The following FLG2 variants were observed in gnomAD, a reference collection of about 807,000 sequenced individuals.
The protein encoded by FLG2 is filaggrin-2.
A neutral mutation model predicts 3.9 loss-of-function variants in FLG2; 7 were observed. The observed-to-expected ratio is 1.79, with a 90% CI of 1.02 to 3.36. The LOEUF is 3.36. FLG2 is among the 30% of genes most tolerant of loss of function. The pLI is 0.00. For missense variants in FLG2, 2,700 were observed against 2,809.4 expected (o/e 0.96, Z 0.88); for synonymous variants, 1,031 against 1,056.1 (o/e 0.98, Z 0.46).
At position 152,350,266 on chromosome 1, in the gene FLG2, G is replaced by A. The variant is rs1311799866; in HGVS notation, c.*344C>T. 1 of 273,734 alleles carries A rather than the reference G, an allele frequency of 3.7e-6. No individual in the cohort carries two copies. Among genetic ancestry groups the A allele is most frequent in the Admixed American group, 4.9e-5 (1 of 20,348 alleles). 17.0% of individuals were successfully genotyped at this position (273,734 alleles called of 1,614,324 possible). On this transcript the variant is annotated 3_prime_UTR_variant, in exon 3 of 3. Transcript: ENST00000388718. ...ATCTTCTGAATGCTTTTTGTTATCA[G>A]TATGGGATTCCTGTTTTCTGATTGA...
rs772810429 is a variant in FLG2 at position 152,353,603 on chromosome 1, T to C, written c.4183A>G (p.Thr1395Ala). Residue 1395 changes from threonine (T) to alanine (A), a missense_variant, in exon 3 of 3, where the codon ACA becomes GCA. Transcript: ENST00000388718. ...TGGCCATGTCCAGTGGCCTCTCCTG[T>C]CTGTCCATAAGTAGTTTCATGTCTC... The part of the protein sequence containing the change: ...HERHETTYGQ[T>A]GEATGHGHSG... 7.4e-6 allele frequency: 12 copies of C among 1,613,946 alleles called. No homozygotes were observed. Among genetic ancestry groups the C allele is most frequent in the South Asian group, 2.2e-5 (2 of 91,080 alleles).
In FLG2 at chr1:152,351,739, G is replaced by C. The variant is rs1345557393; in HGVS notation, c.6047C>G (p.Thr2016Arg). ...RHGHSGHGQS[T>R]QRGSRTTGRR... ...TCCAGTTGTCCTGGACCCTCTCTGT[G>C]TGGACTGTCCATGACCAGAGTGGCC... is the stretch of plus-strand genomic sequence containing the variant. The change falls in exon 3 of 3, where the codon ACA (threonine) becomes AGA (arginine). Residue 2016 changes from threonine to arginine, a missense_variant. Thr to Arg is a moderately conservative substitution (Grantham distance 71, BLOSUM62 -1). Coordinates refer to ENST00000388718, the MANE Select transcript of FLG2 (RefSeq NM_001014342.3). The C allele has an allele frequency of 6.2e-7, 1 of 1,603,916 alleles. No individual in the cohort carries two copies. The highest frequency in any genetic ancestry group is 8.5e-7 in the Non-Finnish European group (1 of 1,177,652).
Position 152,354,070 on chromosome 1 carries a change from G to T in FLG2, c.3716C>A (p.Thr1239Asn). ...GSTVHGRQET[T>N]HGQTINTTRH... ...AGTGGTATTTATTGTCTGACCATGA[G>T]TAGTTTCCTGTCTCCCATGAACTGT... is the stretch of plus-strand genomic sequence containing the variant. Residue 1239 changes from threonine (T) to asparagine (N), a missense_variant, in exon 3 of 3, where the codon ACT (threonine) becomes AAT (asparagine). Thr to Asn is a moderately conservative substitution (Grantham distance 65, BLOSUM62 0). Coordinates refer to ENST00000388718, the MANE Select transcript of FLG2 (RefSeq NM_001014342.3). 6.2e-7 allele frequency: 1 copy of T among 1,614,222 alleles called. No individual in the cohort carries two copies. The highest frequency in any genetic ancestry group is 8.5e-7 in the Non-Finnish European group (1 of 1,180,020).
At position 152,353,549 on chromosome 1, in the gene FLG2, C is replaced by T. The variant is rs780775602; in HGVS notation, c.4237G>A (p.Gly1413Arg). The T allele has an allele frequency of 1.2e-6, 2 of 1,614,044 alleles. No individual in the cohort carries two copies. Among genetic ancestry groups the T allele is most frequent in the Non-Finnish European group, 8.5e-7 (1 of 1,180,018 alleles). ...CCCCTTCTTCCAGTTGTCCTGGACC[C>T]TCTCTGTGTGGACTGTCCATGACCA... ...HSGHGQSTQR[G>R]SRTTGRRGSG... The change falls in exon 3 of 3, where the codon GGG becomes AGG. Residue 1413 changes from glycine to arginine, a missense_variant. Transcript: ENST00000388718.
rs1282088777 is a variant in FLG2, at chr1:152,348,782, T to G, written c.*1828A>C. Reference sequence around the variant, plus strand: ...TGCCAATTTTTATGAAGTACAATTTTCTGGATCCTATATCCAGAAGGCCAT... The same window carrying G: ...TGCCAATTTTTATGAAGTACAATTTGCTGGATCCTATATCCAGAAGGCCAT... On this transcript the variant is annotated 3_prime_UTR_variant, in exon 3 of 3. Transcript: ENST00000388718. 1 of 152,226 alleles carries G rather than the reference T, an allele frequency of 6.6e-6. No individual in the cohort carries two copies. Among genetic ancestry groups the G allele is most frequent in the Non-Finnish European group, 1.5e-5 (1 of 68,042 alleles). 9.4% of individuals were successfully genotyped at this position (152,226 alleles called of 1,614,324 possible). A position where few individuals can be genotyped will look rare whatever the true frequency, so the allele number is the denominator to read the frequency against.
In FLG2 at chr1:152,357,634, G is replaced by A; in HGVS notation, c.152C>T (p.Pro51Leu). ...LHPVLKNPDDPDTVDVIMHML... is the reference protein window; with the variant it reads ...LHPVLKNPDDLDTVDVIMHML... ...ATGCATGATGACATCCACTGTGTCT[G>A]GATCATCTGGGTTCTGTATATGAGT... Residue 51 changes from proline to leucine, a missense_variant, in exon 3 of 3, where the codon CCA becomes CTA. Coordinates refer to ENST00000388718, the MANE Select transcript of FLG2 (RefSeq NM_001014342.3). 1 of 1,611,768 alleles carries A rather than the reference G, an allele frequency of 6.2e-7. No homozygotes were observed. The highest frequency in any genetic ancestry group is 8.5e-7 in the Non-Finnish European group (1 of 1,178,828).
Position 152,355,396 on chromosome 1 carries a change from T to A in FLG2, c.2390A>T (p.His797Leu), listed in dbSNP as rs750703491. The A allele has an allele frequency of 1.2e-6, 2 of 1,612,960 alleles. No homozygotes were observed. Among genetic ancestry groups the A allele is most frequent in the Non-Finnish European group, 1.7e-6 (2 of 1,179,788 alleles). ...GSRQTSGFGQ[H>L]GSGSSQSTGF... ...AGTGGATTGACTTGAGCCTGACCCA[T>A]GTTGTCCAAAGCCAGATGTCTGTCT... is the stretch of plus-strand genomic sequence containing the variant. The change falls in exon 3 of 3, where the codon CAT (histidine) becomes CTT (leucine). Residue 797 changes from histidine (H) to leucine (L), a missense_variant. Coordinates refer to ENST00000388718, the MANE Select transcript of FLG2 (RefSeq NM_001014342.3).
In FLG2 at chr1:152,355,221, T is replaced by C; in HGVS notation, c.2565A>G (p.Ser855=). 2 of 1,610,206 alleles carry C rather than the reference T, an allele frequency of 1.2e-6. No homozygotes were observed. Among genetic ancestry groups the C allele is most frequent in the Non-Finnish European group, 1.7e-6 (2 of 1,179,010 alleles). ...YGQHGSGSSQ[S]SGYGQHGSSS... ...TTGACCCATGTTGACCATAGCCAGA[T>C]GATTGACTTGAGCCAGAACCATGTT... Residue 855 remains serine (S), a synonymous_variant, in exon 3 of 3, where the codon TCA becomes TCG. Coordinates refer to ENST00000388718, the MANE Select transcript of FLG2 (RefSeq NM_001014342.3).
Position 152,350,317 on chromosome 1 carries a change from G to A in FLG2, c.*293C>T. The A allele has an allele frequency of 2.3e-6, 1 of 431,374 alleles. No individual in the cohort carries two copies. Among genetic ancestry groups the A allele is most frequent in the African/African-American group, 2.0e-5 (1 of 50,664 alleles). The allele number at this position is 431,374 out of a possible 1,614,324, so 26.7% of individuals were successfully genotyped here. A position where few individuals can be genotyped will look rare whatever the true frequency, so the allele number is the denominator to read the frequency against. Reference sequence around the variant, plus strand: ...ACTAGATTTTGAATGGCCATGAACTGATATGGATTGTCCATGGCCAAATCC... The same window carrying A: ...ACTAGATTTTGAATGGCCATGAACTAATATGGATTGTCCATGGCCAAATCC... On this transcript the variant is annotated 3_prime_UTR_variant, in exon 3 of 3. Coordinates refer to ENST00000388718, the MANE Select transcript of FLG2 (RefSeq NM_001014342.3).
Position 152,350,768 on chromosome 1 carries a change from A to G in FLG2, c.7018T>C (p.Ser2340Pro). The G allele has an allele frequency of 6.2e-7, 1 of 1,614,150 alleles. No homozygotes were observed. Among genetic ancestry groups the G allele is most frequent in the Non-Finnish European group, 8.5e-7 (1 of 1,180,026 alleles). Residue 2340 changes from serine (S) to proline (P), a missense_variant, in exon 3 of 3, where the codon TCA becomes CCA. By Grantham distance (74) the Ser-to-Pro change is moderately conservative. Transcript: ENST00000388718. ...CTGCCATGTTTCCAAACCTGACTTG[A>G]TCCATGCCTTTGCCTTTCACTACTA... ...SHSSERQRHG[S>P]SQVWKHGSYG...
chr1:152,354,538 G>C lies in FLG2; in HGVS notation c.3248C>G (p.Ser1083Ter), dbSNP rs768798604. 16 of 1,613,920 alleles carry C rather than the reference G, an allele frequency of 9.9e-6. No homozygotes were observed. The highest frequency in any genetic ancestry group is 6.7e-5 in the East Asian group (3 of 44,866). Residue 1083 changes from serine to a stop codon, truncating the protein, a stop_gained, in exon 3 of 3, where the codon TCA (serine) becomes TGA (stop). Coordinates refer to ENST00000388718, the MANE Select transcript of FLG2 (RefSeq NM_001014342.3). LOFTEE classifies it low-confidence loss of function (END_TRUNC). ...TTGACCATAGCCAGATGATTGACTT[G>C]AGCCAGAACCATGTTGGCCATAGCT... ...QSSYGQHGSG[S>*]SQSSGYGQHG...
In FLG2 at chr1:152,351,287, G is replaced by T; in HGVS notation, c.6499C>A (p.Gln2167Lys). The T allele has an allele frequency of 4.3e-6, 7 of 1,613,826 alleles. No individual in the cohort carries two copies. Among genetic ancestry groups the T allele is most frequent in the Non-Finnish European group, 5.9e-6 (7 of 1,179,972 alleles). ...HGQSGHGQST[Q>K]TGSRTTGRQR... ...CTTCCAGTTGTCCTGGAACCTGTCT[G>T]TGTGGACTGTCCATGACCAGACTGG... The change falls in exon 3 of 3, where the codon CAG becomes AAG. Residue 2167 changes from glutamine (Q) to lysine (K), a missense_variant. By Grantham distance (53) the Gln-to-Lys change is moderately conservative. Transcript: ENST00000388718.
chr1:152,351,912 G>A lies in FLG2; in HGVS notation c.5874C>T (p.Tyr1958=), dbSNP rs1653948195. ...CCCCTGAGGGCCCTTCACTGTCACTGTACTCACTGTGGCCAGATCCCCTTC... is the reference window on the plus strand; with the variant it reads ...CCCCTGAGGGCCCTTCACTGTCACTATACTCACTGTGGCCAGATCCCCTTC... ...TGRRGSGHSE[Y]SDSEGPSGVS... is the part of the protein sequence containing the mutation. The change falls in exon 3 of 3, where the codon TAC becomes TAT. Residue 1958 remains tyrosine (Y), a synonymous_variant. Transcript: ENST00000388718. 6.2e-7 allele frequency: 1 copy of A among 1,613,920 alleles called. No homozygotes were observed. The highest frequency in any genetic ancestry group is 8.5e-7 in the Non-Finnish European group (1 of 1,179,962).
rs765551611 is a variant in FLG2 at position 152,354,967 on chromosome 1, G to C, written c.2819C>G (p.Ser940Ter). 5 of 1,590,314 alleles carry C rather than the reference G, an allele frequency of 3.1e-6. No homozygotes were observed. Among genetic ancestry groups the C allele is most frequent in the South Asian group, 1.1e-5 (1 of 88,084 alleles). ...AAATCCAAAAGTCTGTCCTGAACTT[G>C]ACCCATGTTGACCATAGCCAGATGA... ...SQSSGYGQHG[S>*]SSGQTFGFGQ... The change falls in exon 3 of 3, where the codon TCA becomes TGA. Residue 940 changes from serine (S) to a stop codon, truncating the protein, a stop_gained. Coordinates refer to ENST00000388718, the MANE Select transcript of FLG2 (RefSeq NM_001014342.3). LOFTEE classifies it low-confidence loss of function (END_TRUNC).
In FLG2 at chr1:152,356,719, C is replaced by T. The variant is rs1654248471; in HGVS notation, c.1067G>A (p.Gly356Glu). 1 of 1,614,188 alleles carries T rather than the reference C, an allele frequency of 6.2e-7. No individual in the cohort carries two copies. Among genetic ancestry groups the T allele is most frequent in the South Asian group, 1.1e-5 (1 of 91,076 alleles). Residue 356 changes from glycine (G) to glutamate (E), a missense_variant, in exon 3 of 3, where the codon GGA becomes GAA. By Grantham distance (98) the Gly-to-Glu change is moderately conservative. Coordinates refer to ENST00000388718, the MANE Select transcript of FLG2 (RefSeq NM_001014342.3). ...CSQSYSQRGYGARENGQPQNC... is the reference protein window; with the variant it reads ...CSQSYSQRGYEARENGQPQNC... The stretch of plus-strand genomic sequence containing the variant: ...CTGTGGTTGACCATTTTCTCTAGCT[C>T]CATATCCTCTCTGACTATAGGACTG...
In FLG2 at chr1:152,352,551, T is replaced by C; in HGVS notation, c.5235A>G (p.Ser1745=). The C allele has an allele frequency of 6.2e-7, 1 of 1,612,898 alleles. No homozygotes were observed. The highest frequency in any genetic ancestry group is 2.2e-5 in the East Asian group (1 of 44,832). ...EGYSGVSHTH[S]GHTHGQARSQ... Reference sequence around the variant, plus strand: ...ATCTGGCTTGGCCATGAGTGTGTCCTGAATGTGTATGTGAGACTCCTGAGT... The same window carrying C: ...ATCTGGCTTGGCCATGAGTGTGTCCCGAATGTGTATGTGAGACTCCTGAGT... The change falls in exon 3 of 3, where the codon TCA becomes TCG. Residue 1745 remains serine (S), a synonymous_variant. Transcript: ENST00000388718.
Position 152,357,145 on chromosome 1 carries a change from C to G in FLG2, c.641G>C (p.Ser214Thr). ...CTCCTCCCCAGATTCCCTAGAAGGGCTAATGTGTGACTTGTTTATTCTTTC... is the reference window on the plus strand; with the variant it reads ...CTCCTCCCCAGATTCCCTAGAAGGGGTAATGTGTGACTTGTTTATTCTTTC... ...LRERINKSHI[S>T]PSRESGEEYE... The change falls in exon 3 of 3, where the codon AGC becomes ACC. Residue 214 changes from serine (S) to threonine (T), a missense_variant. Physicochemically the swap from Ser to Thr is moderately conservative, Grantham distance 58. Coordinates refer to ENST00000388718, the MANE Select transcript of FLG2 (RefSeq NM_001014342.3). The G allele has an allele frequency of 6.2e-7, 1 of 1,614,172 alleles. No individual in the cohort carries two copies. The highest frequency in any genetic ancestry group is 8.5e-7 in the Non-Finnish European group (1 of 1,180,022).
chr1:152,353,651 C>G lies in FLG2; in HGVS notation c.4135G>C (p.Glu1379Gln), dbSNP rs775293819. The G allele has an allele frequency of 6.2e-7, 1 of 1,613,964 alleles. No homozygotes were observed. The highest frequency in any genetic ancestry group is 8.5e-7 in the Non-Finnish European group (1 of 1,179,982). Residue 1379 changes from glutamate to glutamine, a missense_variant, in exon 3 of 3, where the codon GAG becomes CAG. Transcript: ENST00000388718. ...THSQAGSQHG[E>Q]SESTVHERHE... ...CTCTCATGAACTGTGGATTCTGACTCTCCATGTTGAGATCCAGCTTGGCTG... is the reference window on the plus strand; with the variant it reads ...CTCTCATGAACTGTGGATTCTGACTGTCCATGTTGAGATCCAGCTTGGCTG...
At position 152,357,639 on chromosome 1, in the gene FLG2, A is replaced by T. The variant is rs555905206; in HGVS notation, c.147T>A (p.Asp49Glu). 4 of 1,611,570 alleles carry T rather than the reference A, an allele frequency of 2.5e-6. No homozygotes were observed. Among genetic ancestry groups the T allele is most frequent in the Middle Eastern group, 1.7e-4 (1 of 6,046 alleles). Residue 49 changes from aspartate (D) to glutamate (E), a missense_variant, in exon 3 of 3, where the codon GAT becomes GAA. Physicochemically the swap from Asp to Glu is conservative, Grantham distance 45. Coordinates refer to ENST00000388718, the MANE Select transcript of FLG2 (RefSeq NM_001014342.3). ...KELHPVLKNP[D>E]DPDTVDVIMH... ...TGATGACATCCACTGTGTCTGGATCATCTGGGTTCTGTATATGAGTGACAC... is the reference window on the plus strand; with the variant it reads ...TGATGACATCCACTGTGTCTGGATCTTCTGGGTTCTGTATATGAGTGACAC...
Sources: allele counts gnomAD v4.1 joint callset, GRCh38; gene constraint gnomAD v4.1.1; transcripts MANE v1.5; gene names NCBI Gene and HGNC (gene_info 2026-07-23, HGNC 2026-07-21).